The following CTNNA2 variants were observed in gnomAD, a reference collection of about 807,000 sequenced individuals.
The protein encoded by CTNNA2 is catenin alpha 2.
CTNNA2 carries 42 observed loss-of-function variants against 101.0 expected under a neutral mutation model. The ratio of observed to expected loss-of-function variants is 0.42; its 90% CI spans 0.32 to 0.54. The LOEUF (loss-of-function observed/expected upper bound fraction) is 0.54. CTNNA2 is among the 20% of genes least tolerant of loss of function. The pLI, the probability that CTNNA2 is intolerant of heterozygous loss-of-function variation, is 0.14. For missense variants in CTNNA2, 871 were observed against 1,223.1 expected (o/e 0.71, Z 4.29); for synonymous variants, 450 against 456.4 (o/e 0.99, Z 0.18).
chr2:79,982,410 A>T (rs371124889), intron 7 of CTNNA2, among the ~76,000 whole-genome samples: 2 of 141,146 alleles, frequency 1.4e-5, no homozygotes, highest in East Asian at 2.1e-4. Flanking sequence ...ATAACATATA[A>T]CACATATATA....
At chr2:79,867,848 C>G (rs1266952411) in intron 4 of CTNNA2, among the ~76,000 whole-genome samples, 2 of 151,980 alleles carry the variant, frequency 1.3e-5, no homozygotes, top group Admixed American at 1.3e-4. Context: ...TTTTATGTCC[C>G]AAGAAGAGAT....
intron 1 of CTNNA2, among the ~76,000 whole-genome samples, chr2:79,646,524 C>CTTTTTT (rs67454188): frequency 1.2e-4 from 13 of 106,140 alleles, no homozygotes; most frequent in Non-Finnish European, 1.5e-4. Flanking sequence ...TTCTTTCTGT[C>CTTTTTT]TTTTTTTTTT....
rs537062369 is a variant in CTNNA2, at chr2:79,518,713, T to C, written c.-6+5506T>C. Among the ~76,000 whole-genome samples the C allele has an allele frequency of 9.2e-5, 14 of 152,318 alleles. No homozygotes were observed. The South Asian group carries it at 2.7e-3, about 29-fold the overall frequency. ...GGCCTGAAGCAGTTGTTAAATATCATCAATCTATCTTTCAGTGAGGAAGTA... is the reference window on the plus strand; with the variant it reads ...GGCCTGAAGCAGTTGTTAAATATCACCAATCTATCTTTCAGTGAGGAAGTA... On this transcript the variant is annotated intron_variant, in intron 1 of 18. Coordinates refer to ENST00000402739, the MANE Select transcript of CTNNA2 (RefSeq NM_001282597.3).
chr2:79,507,086 T>C (rs1671429100), intron 5 of CTNNA2, among the ~76,000 whole-genome samples: 1 of 152,160 alleles, frequency 6.6e-6, no homozygotes, highest in Non-Finnish European at 1.5e-5. Context: ...CTACTCCATA[T>C]GGTTAATTCA....
intron 1 of CTNNA2, among the ~76,000 whole-genome samples, chr2:79,645,501 CA>C (rs1057019072): frequency 2.6e-5 from 4 of 152,082 alleles, no homozygotes; most frequent in African/African-American, 9.7e-5. Flanking sequence ...GCAAAAAAGG[CA>C]GAGAAAAAAG....
At chr2:80,580,852 T>TA (rs34031309) in intron 13 of CTNNA2, among the ~76,000 whole-genome samples, 1 of 151,932 alleles carries the variant, frequency 6.6e-6, no homozygotes, top group Non-Finnish European at 1.5e-5. Flanking sequence ...TTGTCTCTAC[T>TA]AAAAAATACA....
At chr2:80,035,610 G>A (rs1302525466) in intron 7 of CTNNA2, among the ~76,000 whole-genome samples, 1 of 152,062 alleles carries the variant, frequency 6.6e-6, no homozygotes, top group African/African-American at 2.4e-5. Flanking sequence ...ATTGAAAGGG[G>A]ACAGCATCAC....
chr2:80,485,102 G>T (rs778453632), intron 9 of CTNNA2, among the ~76,000 whole-genome samples: 1 of 152,252 alleles, frequency 6.6e-6, no homozygotes, highest in Non-Finnish European at 1.5e-5. Flanking sequence ...GTAAGTGTAC[G>T]TGTGTGTTGT....
Position 79,416,723 on chromosome 2 carries a change from GTTTA to G in CTNNA2, c.-135+42712_-135+42715del, listed in dbSNP as rs1422516822. Among the ~76,000 whole-genome samples the G allele has an allele frequency of 5.9e-5, 9 of 152,100 alleles. No individual in the cohort carries two copies. The East Asian group carries it at 1.7e-3, about 29-fold the overall frequency. On this transcript the variant is annotated intron_variant, in intron 4 of 21. Coordinates refer to the CTNNA2 transcript ENST00000466387. ...ATTTAACAGTTCCCCGAGAGCACAG[GTTTA>G]TAGGAATAAGACATGGAGAGAAAGA...
intron 3 of CTNNA2, among the ~76,000 whole-genome samples, chr2:79,805,937 CA>C (rs112752954): frequency 0.14 from 17,346 of 125,900 alleles, 1,554 homozygotes; most frequent in East Asian, 0.39. Flanking sequence ...GACTGTGTCT[CA>C]AAAAAAAAAA....
rs921467683 is a variant in CTNNA2, at chr2:79,211,692, C to T, written c.-406+13616C>T. On this transcript the variant is annotated intron_variant, in intron 2 of 21. Coordinates refer to the CTNNA2 transcript ENST00000466387. ...GTCATCAGTTAAGGCAGGAACCAGT[C>T]ATCTGGATGTGTACGTGCAGGTCAC... 3.9e-5 allele frequency among the ~76,000 whole-genome samples: 6 copies of T among 152,262 alleles called. No homozygotes were observed. The South Asian group carries it at 8.3e-4, about 21-fold the overall frequency.
intron 2 of CTNNA2, among the ~76,000 whole-genome samples, chr2:79,211,320 T>C (rs1674169631): frequency 6.6e-6 from 1 of 152,168 alleles, no homozygotes; most frequent in African/African-American, 2.4e-5. Flanking sequence ...TTTAGAGTAT[T>C]ATTCCAAGAC....
At chr2:80,231,686 A>T (rs1300082840) in intron 7 of CTNNA2, among the ~76,000 whole-genome samples, 1 of 152,200 alleles carries the variant, frequency 6.6e-6, no homozygotes, top group African/African-American at 2.4e-5. Context: ...TGGCAATAAG[A>T]TCCCAAATTC....
intron 7 of CTNNA2, among the ~76,000 whole-genome samples, chr2:79,978,282 G>A (rs968632528): frequency 6.6e-6 from 1 of 152,142 alleles, no homozygotes; most frequent in Non-Finnish European, 1.5e-5. Context: ...CTCTGCCACA[G>A]TTATTCATCA....
At chr2:79,307,815 A>T (rs1284934172) in intron 2 of CTNNA2, among the ~76,000 whole-genome samples, 2 of 152,162 alleles carry the variant, frequency 1.3e-5, no homozygotes, top group African/African-American at 2.4e-5. Flanking sequence ...ATCATGACTT[A>T]ACTAGTTTAA....
intron 7 of CTNNA2, among the ~76,000 whole-genome samples, chr2:80,343,104 C>A (rs1672387215): frequency 6.6e-6 from 1 of 152,098 alleles, no homozygotes; most frequent in African/African-American, 2.4e-5. Flanking sequence ...TATCTAATGA[C>A]CTCATCTTAA....
chr2:79,398,849 TAAA>T (rs5832388), intron 4 of CTNNA2, among the ~76,000 whole-genome samples: 3 of 146,526 alleles, frequency 2.0e-5, no homozygotes, highest in Non-Finnish European at 3.0e-5. Context: ...AGTGTTTAGT[TAAA>T]AAAAAAAAAA....
At chr2:79,192,381 C>A (rs892042115) in intron 1 of CTNNA2, among the ~76,000 whole-genome samples, 5 of 152,150 alleles carry the variant, frequency 3.3e-5, no homozygotes, top group Admixed American at 2.0e-4. Flanking sequence ...CTTAACCCTG[C>A]ATGTTCCTCA....
At chr2:80,545,120 C>G (rs753364102) in intron 10 of CTNNA2, 46 bp downstream of exon 10, 27 of 1,568,096 alleles carry the variant, frequency 1.7e-5, no homozygotes, top group Non-Finnish European at 2.4e-5. Flanking sequence ...GTGACCTTCT[C>G]CACTCCAGCC....
Sources: gnomAD v4.1 joint callset for allele counts (sites outside exome capture counted in the v4.1 genomes callset) on GRCh38, gnomAD v4.1.1 for gene constraint, MANE v1.5 for transcripts, NCBI Gene and HGNC (gene_info 2026-07-23, HGNC 2026-07-21) for gene names.